SMC1B: variants seen among roughly 807,000 people sequenced by gnomAD.
SMC1B encodes the protein structural maintenance of chromosomes 1B, also known as structural maintenance of chromosomes protein 1B.
In SMC1B, 60 loss-of-function variants were observed where a neutral mutation model predicts 157.9. The observed-to-expected ratio is 0.38, with a 90% CI of 0.31 to 0.47. The LOEUF is 0.47. SMC1B is among the 20% of genes least tolerant of loss of function. SMC1B has a pLI of 0.99. For synonymous variants in SMC1B, 445 were observed against 483.0 expected (o/e 0.92, Z 1.03); for missense variants, 1,165 against 1,426.2 (o/e 0.82, Z 2.95).
In SMC1B at chr22:45,399,369, T is replaced by C; in HGVS notation, c.855-16A>G. 1.3e-6 allele frequency: 2 copies of C among 1,572,364 alleles called. No homozygotes were observed. The highest frequency in any genetic ancestry group is 2.4e-5 in the South Asian group (2 of 83,482). ...TTCAACCGATCTGAAAAGGGAAAAATGTTTGCTTTAAAGAAAATTTCATTT... is the reference window on the plus strand; with the variant it reads ...TTCAACCGATCTGAAAAGGGAAAAACGTTTGCTTTAAAGAAAATTTCATTT... On this transcript the variant is annotated splice_polypyrimidine_tract_variant and intron_variant, in intron 5 of 24. Transcript: ENST00000357450.
intron 19 of SMC1B, among the ~76,000 whole-genome samples, chr22:45,357,463 G>A (rs772695332): frequency 3.3e-5 from 5 of 152,218 alleles, no homozygotes; most frequent in Non-Finnish European, 5.9e-5. Context: ...GTCTACTAAG[G>A]GTACTGCAGT....
rs117583424 is a variant in SMC1B, at chr22:45,409,092, T to A, written c.110-194A>T. 5.3e-4 allele frequency among the ~76,000 whole-genome samples: 80 copies of A among 152,358 alleles called. 2 individuals are homozygous for A. In the East Asian group the frequency reaches 0.015, roughly 29 times the overall value. Reference sequence around the variant, plus strand: ...CTTCTATGCATCTATTGTAGACTATTAAGAGGTCTAAATTTAAGGACTGAA... The same window carrying A: ...CTTCTATGCATCTATTGTAGACTATAAAGAGGTCTAAATTTAAGGACTGAA... On this transcript the variant is annotated intron_variant, in intron 1 of 24. Transcript: ENST00000357450.
At chr22:45,357,246 C>T (rs1431871411) in intron 19 of SMC1B, among the ~76,000 whole-genome samples, 1 of 152,232 alleles carries the variant, frequency 6.6e-6, no homozygotes, top group African/African-American at 2.4e-5. Context: ...AATAGCTGCA[C>T]TCATGTGGCA....
At chr22:45,383,969 T>C (rs2086964927) in intron 11 of SMC1B, among the ~76,000 whole-genome samples, 1 of 152,230 alleles carries the variant, frequency 6.6e-6, no homozygotes, top group Non-Finnish European at 1.5e-5. Context: ...GTTCCTCAAA[T>C]GTACAAGTGA....
intron 16 of SMC1B, 71 bp downstream of exon 16, chr22:45,362,814 C>T (rs2086734643): frequency 1.5e-6 from 2 of 1,335,810 alleles, no homozygotes; most frequent in Non-Finnish European, 2.1e-6. Flanking sequence ...CAGGAGCGCA[C>T]AAAAGGTTTA....
In SMC1B at chr22:45,380,679, A is replaced by G. The variant is rs749596989; in HGVS notation, c.2058+2788T>C. Among the ~76,000 whole-genome samples the G allele has an allele frequency of 3.9e-5, 6 of 152,262 alleles. No homozygotes were observed. In the South Asian group the frequency reaches 1.0e-3, roughly 26 times the overall value. ...ATACCTATAATTCCAGCACTTTGGG[A>G]AGCCAAAGTGGAAGGACTGCTTAAG... On this transcript the variant is annotated intron_variant, in intron 12 of 24. Coordinates refer to ENST00000357450, the MANE Select transcript of SMC1B (RefSeq NM_148674.5).
Position 45,356,879 on chromosome 22 carries a change from G to C in SMC1B, c.2962-1764C>G, listed in dbSNP as rs373423679. 1.3e-4 allele frequency among the ~76,000 whole-genome samples: 19 copies of C among 151,960 alleles called. 1 individual carries two copies. In the East Asian group the frequency reaches 1.7e-3, roughly 14 times the overall value. On this transcript the variant is annotated intron_variant, in intron 19 of 24. Transcript: ENST00000357450. Reference sequence around the variant, plus strand: ...TAAGTAGCTGGGATTACAGGCACGTGCCACTGTGCCCGGCTAATTTTTTGT... The same window carrying C: ...TAAGTAGCTGGGATTACAGGCACGTCCCACTGTGCCCGGCTAATTTTTTGT...
chr22:45,369,769 C>T (rs1408269231), intron 15 of SMC1B, among the ~76,000 whole-genome samples, 185 bp downstream of exon 15: 1 of 152,100 alleles, frequency 6.6e-6, no homozygotes, highest in Non-Finnish European at 1.5e-5. Flanking sequence ...TGGTCTCGAT[C>T]TCCTGACCTC....
Position 45,358,753 on chromosome 22 carries a change from AGATATC to A in SMC1B, c.2899_2904del (p.Asp967_Ile968del). 1 of 1,613,058 alleles carries A rather than the reference AGATATC, an allele frequency of 6.2e-7. No individual in the cohort carries two copies. Among genetic ancestry groups the A allele is most frequent in the Non-Finnish European group, 8.5e-7 (1 of 1,179,412 alleles). On this transcript the variant is annotated inframe_deletion, in exon 19 of 25. Transcript: ENST00000357450. ...ATTTCAAAGGCTTCTTCTTTTTCAT[AGATATC>A]AATTGTTGCCTGGGTACTTTCTGCT...
At chr22:45,404,306 C>G (rs946314195) in intron 4 of SMC1B, among the ~76,000 whole-genome samples, 3 of 152,204 alleles carry the variant, frequency 2.0e-5, no homozygotes, top group African/African-American at 7.2e-5. Context: ...CATAGTATCA[C>G]ATGACAGATA....
chr22:45,389,476 T>G (rs1288482243), intron 10 of SMC1B, among the ~76,000 whole-genome samples: 1 of 152,156 alleles, frequency 6.6e-6, no homozygotes, highest in African/African-American at 2.4e-5. Flanking sequence ...AAATCAAAGG[T>G]AGAATTCTGT....
intron 1 of SMC1B, among the ~76,000 whole-genome samples, chr22:45,409,980 C>G (rs1181425742): frequency 1.3e-5 from 2 of 152,122 alleles, no homozygotes; most frequent in African/African-American, 2.4e-5. Context: ...GACAATCTCC[C>G]GATAAAAACG....
intron 5 of SMC1B, among the ~76,000 whole-genome samples, chr22:45,401,725 G>A (rs1345776796): frequency 6.6e-6 from 1 of 152,078 alleles, no homozygotes; most frequent in African/African-American, 2.4e-5. Context: ...GACCCAATTG[G>A]GAGCCCCTCT....
chr22:45,365,357 C>T (rs2086765354), intron 15 of SMC1B, among the ~76,000 whole-genome samples: 1 of 152,164 alleles, frequency 6.6e-6, no homozygotes, highest in Non-Finnish European at 1.5e-5. Context: ...GTGAATAAGC[C>T]ACTAGAAGTA....
intron 4 of SMC1B, among the ~76,000 whole-genome samples, 162 bp from the exon 5 acceptor site, chr22:45,402,733 T>C (rs2087211705): frequency 6.6e-6 from 1 of 152,270 alleles, no homozygotes; most frequent in South Asian, 2.1e-4. Context: ...TTTCTGAATA[T>C]ACTTTTTAAA....
Position 45,399,169 on chromosome 22 carries a change from A to AT in SMC1B, c.1038dup (p.Trp347MetfsTer5), listed in dbSNP as rs2087162000. ...TCAATCTGCTTTTCAAAACTTCTCC[A>AT]TGCAGCATCTAAATCAGCCAGCTCT... On this transcript the variant is annotated frameshift_variant, in exon 6 of 25. Coordinates refer to ENST00000357450, the MANE Select transcript of SMC1B (RefSeq NM_148674.5). LOFTEE classifies it high-confidence loss of function. The AT allele has an allele frequency of 6.2e-7, 1 of 1,613,846 alleles. No homozygotes were observed. The highest frequency in any genetic ancestry group is 8.5e-7 in the Non-Finnish European group (1 of 1,179,938).
At chr22:45,390,658 T>C (rs1040566156) in intron 9 of SMC1B, among the ~76,000 whole-genome samples, 5 of 147,824 alleles carry the variant, frequency 3.4e-5, no homozygotes, top group African/African-American at 1.3e-4. Flanking sequence ...TGAGCCGAGA[T>C]CATGCCACTG....
intron 23 of SMC1B, 75 bp from the exon 24 acceptor site, chr22:45,345,644 T>C (rs2086543634): frequency 2.2e-6 from 2 of 889,378 alleles, no homozygotes; most frequent in Non-Finnish European, 3.8e-6. Flanking sequence ...TAATTCTGCA[T>C]GTCTCTGAGT....
chr22:45,374,166 T>G (rs1327589319), intron 12 of SMC1B, among the ~76,000 whole-genome samples: 1 of 138,346 alleles, frequency 7.2e-6, no homozygotes, highest in South Asian at 2.3e-4. Context: ...TCTTGTGTAG[T>G]AAATTTAGTC....
Sources: gnomAD v4.1 joint callset for allele counts (sites outside exome capture counted in the v4.1 genomes callset) on GRCh38, gnomAD v4.1.1 for gene constraint, MANE v1.5 for transcripts, NCBI Gene and HGNC (gene_info 2026-07-23, HGNC 2026-07-21) for gene names.